The following SMCR8 variants were observed in gnomAD, a reference collection of about 807,000 sequenced individuals.
SMCR8 encodes SMCR8-C9orf72 complex subunit, also known as guanine nucleotide exchange protein SMCR8.
A neutral mutation model predicts 56.6 loss-of-function variants in SMCR8; 30 were observed. That is an observed-to-expected ratio of 0.53 (90% CI 0.40 to 0.72). SMCR8 has a LOEUF of 0.72. SMCR8 is among the 30% of genes least tolerant of loss of function. The pLI is 0.00. For synonymous variants in SMCR8, 538 were observed against 456.0 expected (o/e 1.18, Z -2.29); for missense variants, 1,198 against 1,157.0 (o/e 1.04, Z -0.51).
Position 18,317,698 on chromosome 17 carries a change from CCTT to C in SMCR8, c.1914_1916del (p.Ser639del), listed in dbSNP as rs1005978656. 1.4e-5 allele frequency: 22 copies of C among 1,613,974 alleles called. No homozygotes were observed. In the African/African-American group the frequency reaches 2.4e-4, roughly 18 times the overall value. Reference sequence around the variant, plus strand: ...AGACTTTTCAGTGGAAAATGCCAACCCTTCTTCCCGAGACAACAGTTGTGAAGG... The same window carrying C: ...AGACTTTTCAGTGGAAAATGCCAACCCTTCCCGAGACAACAGTTGTGAAGG... On this transcript the variant is annotated inframe_deletion, in exon 1 of 2. Transcript: ENST00000406438.
Position 18,317,039 on chromosome 17 carries a change from C to T in SMCR8, c.1250C>T (p.Ser417Phe), listed in dbSNP as rs369161832. 1.2e-6 allele frequency: 2 copies of T among 1,614,016 alleles called. No individual in the cohort carries two copies. Among genetic ancestry groups the T allele is most frequent in the African/African-American group, 1.3e-5 (1 of 74,904 alleles). The change falls in exon 1 of 2, where the codon TCT (serine) becomes TTT (phenylalanine). Residue 417 changes from serine (S) to phenylalanine (F), a missense_variant. Coordinates refer to ENST00000406438, the MANE Select transcript of SMCR8 (RefSeq NM_144775.3). ...PIPKVLISVGSYKSSVESVLI... is the reference protein window; with the variant it reads ...PIPKVLISVGFYKSSVESVLI... ...CCTAAAGTGTTAATTAGTGTTGGTT[C>T]TTACAAGTCCAGTGTGGAGTCTGTG...
At position 18,317,453 on chromosome 17, in the gene SMCR8, T is replaced by C. The variant is rs746992419; in HGVS notation, c.1664T>C (p.Ile555Thr). ...ESYPDGNEGA[I>T]RFQASISPPE... ...TATCCAGATGGCAATGAAGGAGCCA[T>C]CCGCTTCCAGGCAAGCATCAGTCCT... Residue 555 changes from isoleucine to threonine, a missense_variant, in exon 1 of 2, where the codon ATC (isoleucine) becomes ACC (threonine). Transcript: ENST00000406438. 3.1e-6 allele frequency: 5 copies of C among 1,613,976 alleles called. No individual in the cohort carries two copies. The South Asian group carries it at 5.5e-5, about 18-fold the overall frequency.
rs570927170 is a variant in SMCR8, at chr17:18,317,705, C to A, written c.1916C>A (p.Ser639Tyr). 108 of 1,614,170 alleles carry A rather than the reference C, an allele frequency of 6.7e-5. No individual in the cohort carries two copies. The South Asian group carries it at 1.1e-3, about 17-fold the overall frequency. The change falls in exon 1 of 2, where the codon TCC (serine) becomes TAC (tyrosine). Residue 639 changes from serine to tyrosine, a missense_variant. Coordinates refer to ENST00000406438, the MANE Select transcript of SMCR8 (RefSeq NM_144775.3). ...TCAGTGGAAAATGCCAACCCTTCTT[C>A]CCGAGACAACAGTTGTGAAGGGTTT... ...DFSVENANPS[S>Y]RDNSCEGFPA...
intron 1 of SMCR8, among the ~76,000 whole-genome samples, chr17:18,322,209 CA>C (rs1213481298): frequency 6.6e-6 from 1 of 152,150 alleles, no homozygotes; most frequent in East Asian, 1.9e-4. Context: ...GACAGGGTTT[CA>C]CCGTGTTAGC....
chr17:18,321,168 C>T (rs921866), intron 1 of SMCR8, among the ~76,000 whole-genome samples: 46,901 of 152,112 alleles, frequency 0.31, 7,572 homozygotes, highest in African/African-American at 0.36. Flanking sequence ...CCCAAGTCAC[C>T]GTCAGTCCTT....
Position 18,327,785 on chromosome 17 carries a change from G to A in SMCR8, c.*4715G>A, listed in dbSNP as rs1325895042. 1.3e-5 allele frequency: 2 copies of A among 152,612 alleles called. No homozygotes were observed. Among genetic ancestry groups the A allele is most frequent in the Admixed American group, 1.3e-4 (2 of 15,270 alleles). The allele number at this position is 152,612 out of a possible 1,614,324, so 9.5% of individuals were successfully genotyped here. The stretch of plus-strand genomic sequence containing the variant: ...TCGTTGCAGCGGCTGGTGCAGGAGT[G>A]CAGCTGGCGCGTGTGTGATAGCATC... On this transcript the variant is annotated 3_prime_UTR_variant, in exon 2 of 2. Coordinates refer to ENST00000406438, the MANE Select transcript of SMCR8 (RefSeq NM_144775.3).
chr17:18,321,823 C>G (rs1363987103), intron 1 of SMCR8, among the ~76,000 whole-genome samples: 1 of 152,178 alleles, frequency 6.6e-6, no homozygotes, highest in Non-Finnish European at 1.5e-5. Context: ...CAGAGCAAGA[C>G]CCTGTCTCTA....
chr17:18,319,504 C>G (rs554631495), intron 1 of SMCR8, among the ~76,000 whole-genome samples: 2 of 152,164 alleles, frequency 1.3e-5, no homozygotes, highest in Non-Finnish European at 2.9e-5. Context: ...CTGAGCACCA[C>G]GGCCCAGAAG....
chr17:18,318,421 G>T (rs1398248456), intron 1 of SMCR8, among the ~76,000 whole-genome samples: 1 of 151,944 alleles, frequency 6.6e-6, no homozygotes, highest in South Asian at 2.1e-4. Context: ...TTATTTTTTT[G>T]CAACGAAGTC....
At position 18,315,473 on chromosome 17, in the gene SMCR8, C is replaced by T. The variant is rs1191911552; in HGVS notation, c.-317C>T. The T allele has an allele frequency of 3.5e-6, 1 of 286,262 alleles. No homozygotes were observed. 17.7% of individuals were successfully genotyped at this position (286,262 alleles called of 1,614,324 possible). ...GGGCTTTTGCTGTCGCAGTGGGTTC[C>T]GGAGAGTGCAGGTGATTTCGCAGCA... is the stretch of plus-strand genomic sequence containing the variant. On this transcript the variant is annotated 5_prime_UTR_variant, in exon 1 of 2. Transcript: ENST00000406438.
At position 18,322,904 on chromosome 17, in the gene SMCR8, G is replaced by A. The variant is rs771531542; in HGVS notation, c.2648G>A (p.Arg883His). 29 of 1,614,076 alleles carry A rather than the reference G, an allele frequency of 1.8e-5. No individual in the cohort carries two copies. The highest frequency in any genetic ancestry group is 1.6e-4 in the South Asian group (15 of 91,088). The change falls in exon 2 of 2, where the codon CGC becomes CAC. Residue 883 changes from arginine (R) to histidine (H), a missense_variant. Transcript: ENST00000406438. ...GAGACAGAGGAGCTGGTAGCCAGCC[G>A]CCAGATGAGCTTCCTAAAGCTGACC... The part of the protein sequence containing the change: ...DKETEELVAS[R>H]QMSFLKLTLG...
rs771531542 is a variant in SMCR8 at position 18,322,904 on chromosome 17, G to C, written c.2648G>C (p.Arg883Pro). Residue 883 changes from arginine to proline, a missense_variant, in exon 2 of 2, where the codon CGC (arginine) becomes CCC (proline). Transcript: ENST00000406438. The part of the protein sequence containing the change: ...DKETEELVAS[R>P]QMSFLKLTLG... ...GAGACAGAGGAGCTGGTAGCCAGCC[G>C]CCAGATGAGCTTCCTAAAGCTGACC... 1 of 1,614,076 alleles carries C rather than the reference G, an allele frequency of 6.2e-7. No individual in the cohort carries two copies. The highest frequency in any genetic ancestry group is 1.3e-5 in the African/African-American group (1 of 74,930).
rs1441842471 is a variant in SMCR8 at position 18,317,796 on chromosome 17, C to A, written c.2007C>A (p.Asp669Glu). The A allele has an allele frequency of 6.2e-7, 1 of 1,614,164 alleles. No homozygotes were observed. Among genetic ancestry groups the A allele is most frequent in the East Asian group, 2.2e-5 (1 of 44,888 alleles). Residue 669 changes from aspartate (D) to glutamate (E), a missense_variant, in exon 1 of 2, where the codon GAC (aspartate) becomes GAA (glutamate). Physicochemically the swap from Asp to Glu is conservative, Grantham distance 45 (BLOSUM62 2). Coordinates refer to ENST00000406438, the MANE Select transcript of SMCR8 (RefSeq NM_144775.3). ...ASRDISKTSL[D>E]NYSDTTSYVS... is the part of the protein sequence containing the mutation. ...GGGACATCAGTAAGACCAGCCTGGA[C>A]AACTACTCAGACACCACCAGCTACG...
At position 18,317,918 on chromosome 17, in the gene SMCR8, C is replaced by T. The variant is rs1167488000; in HGVS notation, c.2129C>T (p.Ala710Val). The change falls in exon 1 of 2, where the codon GCC becomes GTC. Residue 710 changes from alanine to valine, a missense_variant. Transcript: ENST00000406438. ...CATAAAAAGAGGGCTGGCCAGAACG[C>T]CTTAAAATTCATCCGCCAGTACCCC... ...DRHKKRAGQNALKFIRQYPFA... is the reference protein window; with the variant it reads ...DRHKKRAGQNVLKFIRQYPFA... 3 of 1,614,214 alleles carry T rather than the reference C, an allele frequency of 1.9e-6. No homozygotes were observed. Among genetic ancestry groups the T allele is most frequent in the Non-Finnish European group, 8.5e-7 (1 of 1,180,050 alleles).
rs1982689547 is a variant in SMCR8 at position 18,327,252 on chromosome 17, G to A, written c.*4182G>A. The A allele has an allele frequency of 2.0e-5, 3 of 152,272 alleles. No homozygotes were observed. Among genetic ancestry groups the A allele is most frequent in the Non-Finnish European group, 4.4e-5 (3 of 68,122 alleles). 9.4% of individuals were successfully genotyped at this position (152,272 alleles called of 1,614,324 possible). On this transcript the variant is annotated 3_prime_UTR_variant, in exon 2 of 2. Coordinates refer to ENST00000406438, the MANE Select transcript of SMCR8 (RefSeq NM_144775.3). ...AAGCAGTGGAAAGGAGGAGGAGGCA[G>A]GGGTGGATGGGGGTGTGGGGAGGGG...
chr17:18,319,805 C>T (rs891083861), intron 1 of SMCR8, among the ~76,000 whole-genome samples: 2 of 152,216 alleles, frequency 1.3e-5, no homozygotes, highest in Non-Finnish European at 2.9e-5. Context: ...ACTGCAGCCT[C>T]TGCTTCCTAG....
Position 18,322,948 on chromosome 17 carries a change from G to C in SMCR8, c.2692G>C (p.Asp898His). The part of the protein sequence containing the change: ...LKLTLGLVNE[D>H]VRVVQYLAEL... ...GCTGACCCTGGGTCTGGTGAATGAG[G>C]ATGTTAGGGTGGTCCAGTACCTGGC... The change falls in exon 2 of 2, where the codon GAT (aspartate) becomes CAT (histidine). Residue 898 changes from aspartate (D) to histidine (H), a missense_variant. Asp to His is a moderately conservative substitution (Grantham distance 81). Coordinates refer to ENST00000406438, the MANE Select transcript of SMCR8 (RefSeq NM_144775.3). 1 of 1,614,262 alleles carries C rather than the reference G, an allele frequency of 6.2e-7. No homozygotes were observed. The highest frequency in any genetic ancestry group is 8.5e-7 in the Non-Finnish European group (1 of 1,180,054).
Position 18,322,956 on chromosome 17 carries a change from G to C in SMCR8, c.2700G>C (p.Arg900Ser), listed in dbSNP as rs763234282. ...LTLGLVNEDV[R>S]VVQYLAELLK... ...TGGGTCTGGTGAATGAGGATGTTAG[G>C]GTGGTCCAGTACCTGGCTGAGCTGC... The change falls in exon 2 of 2, where the codon AGG (arginine) becomes AGC (serine). Residue 900 changes from arginine (R) to serine (S), a missense_variant. Physicochemically the swap from Arg to Ser is moderately radical, Grantham distance 110. Transcript: ENST00000406438. 1.9e-6 allele frequency: 3 copies of C among 1,614,178 alleles called. No individual in the cohort carries two copies. The South Asian group carries it at 3.3e-5, about 18-fold the overall frequency.
rs1167797383 is a variant in SMCR8, at chr17:18,324,497, T to A, written c.*1427T>A. ...TCTTTAATTTGTTCCACAAAAATTATGCTGAAATGGACCTGAATCAGCCCT... is the reference window on the plus strand; with the variant it reads ...TCTTTAATTTGTTCCACAAAAATTAAGCTGAAATGGACCTGAATCAGCCCT... On this transcript the variant is annotated 3_prime_UTR_variant, in exon 2 of 2. Transcript: ENST00000406438. 6.6e-6 allele frequency: 1 copy of A among 152,338 alleles called. No homozygotes were observed. The allele number at this position is 152,338 out of a possible 1,614,324, so 9.4% of individuals were successfully genotyped here.
Sources: gnomAD v4.1 joint callset for allele counts (sites outside exome capture counted in the v4.1 genomes callset) on GRCh38, gnomAD v4.1.1 for gene constraint, MANE v1.5 for transcripts, NCBI Gene and HGNC (gene_info 2026-07-23, HGNC 2026-07-21) for gene names.